MCTP2: variants seen among roughly 807,000 people sequenced by gnomAD.
The protein encoded by MCTP2 is multiple C2 and transmembrane domain containing 2, also known as multiple C2 and transmembrane domain-containing protein 2.
Under a neutral mutation model 111.6 loss-of-function variants are expected in MCTP2, and 132 were observed. The ratio of observed to expected loss-of-function variants is 1.18; its 90% confidence interval spans 1.03 to 1.37. MCTP2 has a LOEUF of 1.37. Among genes scored for constraint, MCTP2 ranks in the 40% most tolerant of loss-of-function variants. The pLI is 0.00. For missense variants in MCTP2, 1,183 were observed against 1,067.9 expected, an observed-to-expected ratio of 1.11 and a Z score of -1.50; for synonymous variants, 395 against 387.7, an observed-to-expected ratio of 1.02 and a Z score of -0.22.
In MCTP2 at chr15:94,449,202, C is replaced by T. The variant is rs2084298711; in HGVS notation, c.2250+6242C>T. Reference sequence around the variant, plus strand: ...CAAGAATAATAAATTAAAACAAGGCCATTTCAAGTAAGAATTATTTAAGCA... The same window carrying T: ...CAAGAATAATAAATTAAAACAAGGCTATTTCAAGTAAGAATTATTTAAGCA... On this transcript the variant is annotated intron_variant, in intron 19 of 22. Coordinates refer to ENST00000357742, the MANE Select transcript of MCTP2 (RefSeq NM_001385001.1). 2.6e-5 allele frequency among the ~76,000 whole-genome samples: 4 copies of T among 152,096 alleles called. No homozygotes were observed. In the South Asian group the frequency reaches 8.3e-4, roughly 31 times the overall value.
chr15:94,349,582 A>G (rs1283921453), intron 8 of MCTP2, among the ~76,000 whole-genome samples: 3 of 152,102 alleles, frequency 2.0e-5, no homozygotes, highest in African/African-American at 7.2e-5. Context: ...AAAAGACTGG[A>G]GGCTGAGGCG....
chr15:94,307,632 G>A (rs1323617302), intron 2 of MCTP2, among the ~76,000 whole-genome samples: 1 of 152,208 alleles, frequency 6.6e-6, no homozygotes, highest in Non-Finnish European at 1.5e-5. Context: ...TGGGCTCAAT[G>A]CTGCATCACT....
At chr15:94,322,908 G>A (rs1267168013) in intron 4 of MCTP2, among the ~76,000 whole-genome samples, 1 of 152,200 alleles carries the variant, frequency 6.6e-6, no homozygotes, top group East Asian at 1.9e-4. Context: ...ATGTGATTGA[G>A]CATAGGAAGT....
At chr15:94,413,540 G>A (rs773104934) in intron 17 of MCTP2, among the ~76,000 whole-genome samples, 2 of 150,652 alleles carry the variant, frequency 1.3e-5, no homozygotes, top group South Asian at 2.1e-4. Context: ...GCTCTTGGGT[G>A]TGACATGGCT....
At chr15:94,257,479 A>G (rs1290035798) in intron 1 of MCTP2, among the ~76,000 whole-genome samples, 1 of 151,398 alleles carries the variant, frequency 6.6e-6, no homozygotes, top group African/African-American at 2.4e-5. Flanking sequence ...TATGTTCCCT[A>G]CAATGCCCTG....
intron 19 of MCTP2, among the ~76,000 whole-genome samples, chr15:94,447,185 C>T (rs2084167061): frequency 6.6e-6 from 1 of 152,190 alleles, no homozygotes; most frequent in African/African-American, 2.4e-5. Flanking sequence ...TAGGAGTTCT[C>T]ACTGTGAATT....
At chr15:94,445,473 A>G (rs1162298406) in intron 19 of MCTP2, among the ~76,000 whole-genome samples, 1 of 152,114 alleles carries the variant, frequency 6.6e-6, no homozygotes, top group African/African-American at 2.4e-5. Context: ...GAATTTTTCC[A>G]TCCTTGTCCA....
intron 20 of MCTP2, among the ~76,000 whole-genome samples, chr15:94,460,418 C>A (rs1181603668): frequency 6.6e-6 from 1 of 152,084 alleles, no homozygotes; most frequent in Non-Finnish European, 1.5e-5. Flanking sequence ...GTGCGGTTGG[C>A]AGTGCCTAGA....
chr15:94,321,222 T>C (rs2076615485), intron 4 of MCTP2, among the ~76,000 whole-genome samples: 1 of 152,062 alleles, frequency 6.6e-6, no homozygotes, highest in African/African-American at 2.4e-5. Context: ...GTAGAAAGAA[T>C]AAGTTACAGT....
rs549872862 is a variant in MCTP2, at chr15:94,448,497, A to C, written c.2250+5537A>C. The stretch of plus-strand genomic sequence containing the variant: ...CCCTAATCTAAATACTTGAAATCCA[A>C]AATGCCCCAGAATTTGAAACTTTTT... On this transcript the variant is annotated intron_variant, in intron 19 of 22. Coordinates refer to ENST00000357742, the MANE Select transcript of MCTP2 (RefSeq NM_001385001.1). 2.6e-4 allele frequency among the ~76,000 whole-genome samples: 39 copies of C among 152,340 alleles called. No homozygotes were observed. The South Asian group carries it at 3.1e-3, about 12-fold the overall frequency.
chr15:94,345,955 C>T (rs756594694), intron 8 of MCTP2, among the ~76,000 whole-genome samples: 86 of 152,042 alleles, frequency 5.7e-4, no homozygotes, highest in Non-Finnish European at 5.1e-4. Context: ...GGAAGATGTA[C>T]AGATGATCTC....
chr15:94,429,346 A>G (rs756438450), intron 17 of MCTP2, among the ~76,000 whole-genome samples: 5 of 151,992 alleles, frequency 3.3e-5, no homozygotes, highest in Non-Finnish European at 7.4e-5. Flanking sequence ...AGCTATCACC[A>G]TATTTCTCTG....
chr15:94,292,283 A>G (rs1354744080), intron 1 of MCTP2, among the ~76,000 whole-genome samples: 1 of 152,200 alleles, frequency 6.6e-6, no homozygotes, highest in Non-Finnish European at 1.5e-5. Context: ...ACTATTCACT[A>G]TCTTATTTGA....
At chr15:94,378,379 A>G (rs1469056381) in intron 12 of MCTP2, among the ~76,000 whole-genome samples, 1 of 151,528 alleles carries the variant, frequency 6.6e-6, no homozygotes, top group East Asian at 1.9e-4. Context: ...AAAATTAACC[A>G]GGTATGGTGG....
At chr15:94,309,117 G>C (rs2152351715) in intron 2 of MCTP2, among the ~76,000 whole-genome samples, 1 of 152,300 alleles carries the variant, frequency 6.6e-6, no homozygotes, top group South Asian at 2.1e-4. Flanking sequence ...TAGTAGGCTT[G>C]ATTGTCTTCT....
intron 2 of MCTP2, among the ~76,000 whole-genome samples, chr15:94,310,884 G>A (rs1300334652): frequency 2.0e-5 from 3 of 151,892 alleles, no homozygotes; most frequent in Non-Finnish European, 4.4e-5. Flanking sequence ...CGAGGCTGCA[G>A]TGAGCTATGA....
At chr15:94,467,133 C>G (rs1284147997) in intron 20 of MCTP2, among the ~76,000 whole-genome samples, 2 of 152,070 alleles carry the variant, frequency 1.3e-5, no homozygotes, top group Non-Finnish European at 2.9e-5. Flanking sequence ...AGTTATTATT[C>G]CTGTTTTAGA....
chr15:94,296,711 T>A (rs1246626468), intron 1 of MCTP2, among the ~76,000 whole-genome samples: 2 of 152,174 alleles, frequency 1.3e-5, no homozygotes, highest in Non-Finnish European at 2.9e-5. Context: ...CCCCACTGGG[T>A]GGGTGAGGCA....
intron 1 of MCTP2, among the ~76,000 whole-genome samples, chr15:94,276,047 T>C (rs574075874): frequency 0.027 from 4,093 of 152,066 alleles, 76 homozygotes; most frequent in Non-Finnish European, 0.039. Context: ...GATTTCACCG[T>C]GTTAGCCAGG....
Sources: gnomAD v4.1 joint callset for allele counts (sites outside exome capture counted in the v4.1 genomes callset) on GRCh38, gnomAD v4.1.1 for gene constraint, MANE v1.5 for transcripts, NCBI Gene and HGNC (gene_info 2026-07-23, HGNC 2026-07-21) for gene names.